Variants in CRPPA observed in about 807,000 individuals in gnomAD.
CRPPA encodes CDP-L-ribitol pyrophosphorylase A.
CRPPA carries 43 observed loss-of-function variants against 52.0 expected under a neutral mutation model. The observed-to-expected ratio is 0.83, with a 90% CI of 0.65 to 1.07. The LOEUF is 1.07. Among genes scored for constraint, CRPPA ranks in the 50% least tolerant of loss-of-function variants. The probability of loss-of-function intolerance (pLI) is 0.00; values close to 1 mark genes in which losing one functional copy is unlikely to be tolerated. For synonymous variants in CRPPA, 250 were observed against 203.5 expected, an observed-to-expected ratio of 1.23 and a Z score of -1.94; for missense variants, 629 against 551.7, an observed-to-expected ratio of 1.14 and a Z score of -1.40.
intron 9 of CRPPA, among the ~76,000 whole-genome samples, chr7:16,165,060 G>C (rs1313983831): frequency 1.3e-5 from 2 of 152,044 alleles, no homozygotes; most frequent in African/African-American, 4.8e-5. Flanking sequence ...CTTCACAGCT[G>C]GCAGGTAGGA....
chr7:16,139,216 G>C (rs762060968), intron 9 of CRPPA, among the ~76,000 whole-genome samples: 79 of 152,152 alleles, frequency 5.2e-4, no homozygotes, highest in Non-Finnish European at 1.1e-3. Context: ...CAGTAGTCTA[G>C]TCAAAGATCT....
chr7:16,226,636 C>G (rs1176118770), intron 8 of CRPPA, among the ~76,000 whole-genome samples: 1 of 151,720 alleles, frequency 6.6e-6, no homozygotes, highest in Non-Finnish European at 1.5e-5. Flanking sequence ...AGGTCATAGC[C>G]TCAGTTAGAT....
At chr7:16,128,247 T>C (rs1438647690) in intron 9 of CRPPA, among the ~76,000 whole-genome samples, 1 of 152,078 alleles carries the variant, frequency 6.6e-6, no homozygotes, top group Non-Finnish European at 1.5e-5. Flanking sequence ...CAAACCTGCA[T>C]ATGTACCCTC....
In CRPPA at chr7:16,376,220, G is replaced by C. The variant is rs1331158760; in HGVS notation, c.556C>G (p.Leu186Val). The C allele has an allele frequency of 1.9e-6, 3 of 1,608,688 alleles. No homozygotes were observed. Among genetic ancestry groups the C allele is most frequent in the Non-Finnish European group, 2.5e-6 (3 of 1,177,812 alleles). Residue 186 changes from leucine (L) to valine (V), a missense_variant, in exon 3 of 10, where the codon CTT becomes GTT. By Grantham distance (32) the Leu-to-Val change is conservative. Coordinates refer to ENST00000407010, the MANE Select transcript of CRPPA (RefSeq NM_001101426.4). ...GATGGACTGACGACAGTAGATACAAGAGGTCGAATGGCTCCTGCTGCCTGA... is the reference window on the plus strand; with the variant it reads ...GATGGACTGACGACAGTAGATACAACAGGTCGAATGGCTCCTGCTGCCTGA... ...EHGAAGAIRPLVSTVVSPSAD... is the reference protein window; with the variant it reads ...EHGAAGAIRPVVSTVVSPSAD...
intron 3 of CRPPA, among the ~76,000 whole-genome samples, chr7:16,313,668 G>A (rs144876854): frequency 1.1e-3 from 171 of 151,946 alleles, no homozygotes; most frequent in African/African-American, 3.9e-3. Context: ...CAATGCTATC[G>A]TTTTTCCTGT....
intron 9 of CRPPA, among the ~76,000 whole-genome samples, chr7:16,172,426 G>A (rs1362862718): frequency 6.6e-6 from 1 of 152,104 alleles, no homozygotes; most frequent in Non-Finnish European, 1.5e-5. Flanking sequence ...TGCAATACAG[G>A]GAGTCTAGAA....
At chr7:16,326,830 C>G (rs1168636276) in intron 3 of CRPPA, among the ~76,000 whole-genome samples, 1 of 152,106 alleles carries the variant, frequency 6.6e-6, no homozygotes, top group Non-Finnish European at 1.5e-5. Flanking sequence ...AACAAACTTC[C>G]TTCCCTGATA....
chr7:16,356,866 A>G (rs1350419827), intron 3 of CRPPA, among the ~76,000 whole-genome samples: 2 of 152,182 alleles, frequency 1.3e-5, no homozygotes, highest in Non-Finnish European at 2.9e-5. Context: ...ATGATGTTTT[A>G]CATTTAGAGA....
At position 16,102,750 on chromosome 7, in the gene CRPPA, A is replaced by C. The variant is rs148876743; in HGVS notation, c.1252-10951T>G. Among the ~76,000 whole-genome samples the C allele has an allele frequency of 6.3e-3, 967 of 152,356 alleles. 6 individuals carry two copies. The highest frequency in any genetic ancestry group is 0.029 in the South Asian group (141 of 4,832). On this transcript the variant is annotated intron_variant, in intron 9 of 9. Transcript: ENST00000407010. ...TAGAGAAATGCAAATCAAAACCACA[A>C]TGAGATGCCATCTCACGCCAGTTAG...
intron 3 of CRPPA, among the ~76,000 whole-genome samples, chr7:16,342,798 T>TATATATATATAGATAGATATATAGATATA (rs1491461185): frequency 9.9e-6 from 1 of 101,254 alleles, no homozygotes; most frequent in African/African-American, 4.1e-5. Context: ...TATATATATA[T>TATATATATATAGATAGATATATAGATATA]CTATATAGAT....
intron 8 of CRPPA, among the ~76,000 whole-genome samples, chr7:16,229,489 T>C (rs1782735741): frequency 6.6e-6 from 1 of 152,070 alleles, no homozygotes; most frequent in South Asian, 2.1e-4. Context: ...AAAACCACAT[T>C]AAATTGTTTT....
At chr7:16,272,880 AG>A (rs1784119819) in intron 6 of CRPPA, among the ~76,000 whole-genome samples, 1 of 152,130 alleles carries the variant, frequency 6.6e-6, no homozygotes, top group Admixed American at 6.5e-5. Context: ...TGTAAAATAA[AG>A]GGGGAAATCA....
At chr7:16,270,109 T>C (rs943494885) in intron 6 of CRPPA, 1 of 152,170 alleles carries the variant, frequency 6.6e-6, no homozygotes, top group Non-Finnish European at 1.5e-5. Context: ...AAAAATTTCC[T>C]GAGTTAAAGG....
At chr7:16,307,673 C>T (rs1438721766) in intron 4 of CRPPA, among the ~76,000 whole-genome samples, 1 of 44,364 alleles carries the variant, frequency 2.3e-5, no homozygotes, top group Non-Finnish European at 4.1e-5. Context: ...GAAACTCTGT[C>T]AAAAAAAAAA....
At position 16,308,564 on chromosome 7, in the gene CRPPA, T is replaced by C; in HGVS notation, c.748A>G (p.Thr250Ala). 1 of 1,611,336 alleles carries C rather than the reference T, an allele frequency of 6.2e-7. No homozygotes were observed. Among genetic ancestry groups the C allele is most frequent in the Non-Finnish European group, 8.5e-7 (1 of 1,178,568 alleles). ...GATCCTTCTACAAGTTTGGCTTTAG[T>C]GCAACAGTATTTTAGGGCCAATTGC... ...CLQLALKYCC[T>A]KAKLVEGSPD... The change falls in exon 4 of 10, where the codon ACT (threonine) becomes GCT (alanine). Residue 250 changes from threonine to alanine, a missense_variant. Transcript: ENST00000407010.
At chr7:16,232,716 A>G (rs1268584679) in intron 8 of CRPPA, among the ~76,000 whole-genome samples, 2 of 152,138 alleles carry the variant, frequency 1.3e-5, no homozygotes, top group Admixed American at 6.5e-5. Flanking sequence ...CAAGACCTAA[A>G]TGGATCAAAC....
intron 3 of CRPPA, among the ~76,000 whole-genome samples, chr7:16,356,178 G>A (rs1008041701): frequency 5.9e-5 from 9 of 152,092 alleles, no homozygotes; most frequent in African/African-American, 1.4e-4. Context: ...ACTAGGCACT[G>A]AACAAGTTAA....
chr7:16,299,197 T>C (rs2012268), intron 5 of CRPPA, among the ~76,000 whole-genome samples: 15,453 of 152,166 alleles, frequency 0.1, 1,504 homozygotes, highest in African/African-American at 0.26. Context: ...TGGAATTTTT[T>C]TTAATCCAAG....
At chr7:16,298,647 G>A (rs904882954) in intron 5 of CRPPA, among the ~76,000 whole-genome samples, 1 of 152,156 alleles carries the variant, frequency 6.6e-6, no homozygotes, top group African/African-American at 2.4e-5. Context: ...CATAAAAATG[G>A]TTAATTTTAT....
Sources: gnomAD v4.1 joint callset for allele counts (sites outside exome capture counted in the v4.1 genomes callset) on GRCh38, gnomAD v4.1.1 for gene constraint, MANE v1.5 for transcripts, NCBI Gene and HGNC (gene_info 2026-07-23, HGNC 2026-07-21) for gene names.